Variants in CHRNB3 observed in about 807,000 individuals in gnomAD.
CHRNB3 encodes the protein cholinergic receptor nicotinic beta 3 subunit.
CHRNB3 carries 37 observed loss-of-function variants against 40.6 expected under a neutral mutation model. The observed-to-expected ratio is 0.91, with a 90% CI of 0.70 to 1.20. The LOEUF is 1.20. CHRNB3 is among the 50% of genes most tolerant of loss of function. The pLI, the probability that CHRNB3 is intolerant of heterozygous loss-of-function variation, is 0.00. For synonymous variants in CHRNB3, 207 were observed against 207.1 expected (o/e 1.00, Z 0.00); for missense variants, 505 against 551.2 (o/e 0.92, Z 0.84).
chr8:42,720,828 C>T (rs1816208421), intron 3 of CHRNB3, among the ~76,000 whole-genome samples: 1 of 152,240 alleles, frequency 6.6e-6, no homozygotes, highest in Non-Finnish European at 1.5e-5. Flanking sequence ...TATTTGTTTG[C>T]TGCAGTTTTG....
intron 5 of CHRNB3, among the ~76,000 whole-genome samples, chr8:42,733,848 G>A (rs947207201): frequency 6.6e-6 from 1 of 151,348 alleles, no homozygotes; most frequent in Non-Finnish European, 1.5e-5. Flanking sequence ...CACTGCCTCA[G>A]CCTCCCAAAG....
Position 42,736,735 on chromosome 8 carries a change from A to G in CHRNB3, c.*117A>G. 2 of 1,207,610 alleles carry G rather than the reference A, an allele frequency of 1.7e-6. No homozygotes were observed. Among genetic ancestry groups the G allele is most frequent in the Non-Finnish European group, 2.4e-6 (2 of 839,168 alleles). The allele number at this position is 1,207,610 out of a possible 1,614,324, so 74.8% of individuals were successfully genotyped here. A position where few individuals can be genotyped will look rare whatever the true frequency, so the allele number is the denominator to read the frequency against. ...ACCCCGAATGCGTTGTCTTTGTGGA[A>G]ATGGAACATCTCCTCATGGGAGAAA... is the stretch of plus-strand genomic sequence containing the variant. On this transcript the variant is annotated 3_prime_UTR_variant, in exon 6 of 6. Coordinates refer to ENST00000289957, the MANE Select transcript of CHRNB3 (RefSeq NM_000749.5).
At chr8:42,717,608 G>T (rs1023657314) in intron 3 of CHRNB3, among the ~76,000 whole-genome samples, 4 of 151,324 alleles carry the variant, frequency 2.6e-5, no homozygotes, top group Non-Finnish European at 4.4e-5. Context: ...TACTCAAGTG[G>T]ACCCTGGTAA....
At chr8:42,726,585 C>T (rs1322074493) in intron 3 of CHRNB3, among the ~76,000 whole-genome samples, 7 of 151,850 alleles carry the variant, frequency 4.6e-5, no homozygotes, top group East Asian at 1.9e-4. Context: ...CTGCAACCTC[C>T]GCCCCCAAGT....
At chr8:42,725,765 C>A in intron 3 of CHRNB3, 1 of 918,354 alleles carries the variant, frequency 1.1e-6, no homozygotes, top group Non-Finnish European at 1.8e-6. Context: ...TTGACTTGTC[C>A]ACGTTTCAAA....
chr8:42,714,304 G>C (rs925258294), intron 3 of CHRNB3, among the ~76,000 whole-genome samples: 1 of 151,784 alleles, frequency 6.6e-6, no homozygotes, highest in African/African-American at 2.4e-5. Flanking sequence ...GACCATCCTG[G>C]CTAACACGGT....
chr8:42,705,507 C>A (rs1455741150), intron 1 of CHRNB3: 1 of 152,342 alleles, frequency 6.6e-6, no homozygotes, highest in African/African-American at 2.4e-5. Context: ...GTCTCTCTCA[C>A]CCCCTCTTTG....
chr8:42,736,916 C>T lies in CHRNB3; in HGVS notation c.*298C>T. 1 of 298,388 alleles carries T rather than the reference C, an allele frequency of 3.4e-6. No individual in the cohort carries two copies. Among genetic ancestry groups the T allele is most frequent in the Non-Finnish European group, 6.1e-6 (1 of 162,720 alleles). The allele number at this position is 298,388 out of a possible 1,614,324, so 18.5% of individuals were successfully genotyped here. On this transcript the variant is annotated 3_prime_UTR_variant, in exon 6 of 6. Transcript: ENST00000289957. ...ACATGTGGCCAGAGTGCACAAAAAG[C>T]TGTTGCTACTTGGTGGAGGAACACC...
intron 1 of CHRNB3, among the ~76,000 whole-genome samples, chr8:42,698,646 A>G (rs1396470209): frequency 6.6e-6 from 1 of 152,214 alleles, no homozygotes. Flanking sequence ...CCTCAAACTC[A>G]CTTTCAAATA....
At chr8:42,710,564 T>G in intron 3 of CHRNB3, 130 bp downstream of exon 3, 1 of 709,606 alleles carries the variant, frequency 1.4e-6, no homozygotes, top group Admixed American at 3.0e-5. Flanking sequence ...GGGAAGGGTC[T>G]ATGGCTTTTA....
At chr8:42,709,355 A>G (rs1815972843) in intron 2 of CHRNB3, among the ~76,000 whole-genome samples, 1 of 152,160 alleles carries the variant, frequency 6.6e-6, no homozygotes, top group African/African-American at 2.4e-5. Flanking sequence ...CCATGCCTTC[A>G]CATTCTAATT....
chr8:42,708,489 A>ACACC (rs940693062), intron 1 of CHRNB3, among the ~76,000 whole-genome samples: 2 of 151,672 alleles, frequency 1.3e-5, no homozygotes, highest in African/African-American at 4.8e-5. Context: ...ACACACACAC[A>ACACC]CACACACAAA....
intron 1 of CHRNB3, among the ~76,000 whole-genome samples, chr8:42,701,849 T>C (rs1225935224): frequency 1.3e-5 from 2 of 152,218 alleles, no homozygotes; most frequent in East Asian, 1.9e-4. Flanking sequence ...CTGGGGTTAA[T>C]AGGCCACAGT....
At chr8:42,710,874 G>A (rs183692219) in intron 3 of CHRNB3, among the ~76,000 whole-genome samples, 5 of 152,298 alleles carry the variant, frequency 3.3e-5, no homozygotes, top group African/African-American at 9.6e-5. Flanking sequence ...TTGCTTCCAA[G>A]GAAGAACTGA....
chr8:42,703,547 A>T (rs1412024361), intron 1 of CHRNB3, among the ~76,000 whole-genome samples: 1 of 150,130 alleles, frequency 6.7e-6, no homozygotes, highest in Non-Finnish European at 1.5e-5. Context: ...GAATATAGTG[A>T]TTAATTTAAA....
At chr8:42,708,134 G>C (rs1025124641) in intron 1 of CHRNB3, among the ~76,000 whole-genome samples, 3 of 152,200 alleles carry the variant, frequency 2.0e-5, no homozygotes, top group African/African-American at 7.2e-5. Context: ...TTGACCCCAT[G>C]ATGGGAAAAT....
intron 3 of CHRNB3, among the ~76,000 whole-genome samples, chr8:42,720,192 T>G (rs141746236): frequency 0.035 from 4,692 of 134,738 alleles, 122 homozygotes; most frequent in Middle Eastern, 0.12. Context: ...AGCGGCACGA[T>G]CTCGGCTCCG....
intron 5 of CHRNB3, among the ~76,000 whole-genome samples, chr8:42,734,245 G>A (rs1482573073): frequency 8.8e-6 from 1 of 113,266 alleles, no homozygotes; most frequent in Non-Finnish European, 1.7e-5. Flanking sequence ...TGGCGACAGA[G>A]CGAGACTCCA....
rs778740784 is a variant in CHRNB3 at position 42,730,701 on chromosome 8, AAAGT to A, written c.359+4_359+7del. The A allele has an allele frequency of 1.8e-5, 28 of 1,567,456 alleles. No individual in the cohort carries two copies. In the East Asian group the frequency reaches 4.3e-4, roughly 24 times the overall value. On this transcript the variant is annotated splice_donor_variant and coding_sequence_variant, in exon 4 of 6. Transcript: ENST00000289957. LOFTEE classifies it high-confidence loss of function. ...GGCTTCCTGACATAGTTCTCTTTGA[AAAGT>A]AAGTATCACATTGTTTCTTACTTAT...
Sources: allele counts gnomAD v4.1 joint callset (sites outside exome capture counted in the v4.1 genomes callset), GRCh38; gene constraint gnomAD v4.1.1; transcripts MANE v1.5; gene names NCBI Gene and HGNC (gene_info 2026-07-23, HGNC 2026-07-21).